The following CFAP70 variants were observed in gnomAD, a reference collection of about 807,000 sequenced individuals.
The protein encoded by CFAP70 is cilia- and flagella-associated protein 70.
Under a neutral mutation model 137.6 loss-of-function variants are expected in CFAP70, and 81 were observed. The observed-to-expected ratio is 0.59, with a 90% CI of 0.49 to 0.71. The LOEUF is 0.71. Ranked by LOEUF, CFAP70 falls within the 30% of genes least tolerant of loss-of-function variation. CFAP70 has a pLI of 0.00. For synonymous variants in CFAP70, 382 were observed against 423.6 expected, an observed-to-expected ratio of 0.90 and a Z score of 1.20; for missense variants, 976 against 1,226.7, an observed-to-expected ratio of 0.80 and a Z score of 3.05.
intron 3 of CFAP70, 96 bp from the exon 4 acceptor site, chr10:73,348,617 T>TA (rs1389570550): frequency 2.8e-4 from 219 of 776,074 alleles, no homozygotes; most frequent in South Asian, 4.3e-4. Flanking sequence ...ATATGTAAGT[T>TA]AAAAAAAAAT....
intron 20 of CFAP70, 111 bp downstream of exon 21, chr10:73,278,068 C>A: frequency 1.8e-6 from 2 of 1,091,310 alleles, no homozygotes; most frequent in Non-Finnish European, 2.6e-6. Context: ...GATTTCAGAG[C>A]CTGGTTATCA....
At chr10:73,286,679 C>T (rs113394823) in intron 19 of CFAP70, among the ~76,000 whole-genome samples, 6,844 of 152,104 alleles carry the variant, frequency 0.045, 468 homozygotes, top group African/African-American at 0.15. Context: ...CCCAGTGGCG[C>T]TAGAGGAATT....
chr10:73,284,762 A>AAG (rs2047535886), intron 19 of CFAP70, among the ~76,000 whole-genome samples: 1 of 27,822 alleles, frequency 3.6e-5, no homozygotes, highest in Non-Finnish European at 6.4e-5. Flanking sequence ...ATATATATAT[A>AAG]TATATATATA....
chr10:73,346,745 ATAGTGTCAAGATT>A (rs2053750873), intron 4 of CFAP70, among the ~76,000 whole-genome samples: 1 of 152,212 alleles, frequency 6.6e-6, no homozygotes, highest in Non-Finnish European at 1.5e-5. Flanking sequence ...AACTCATGTC[ATAGTGTCAAGATT>A]TATGCAAAAT....
At chr10:73,267,465 TG>T (rs2045880295) in intron 25 of CFAP70, among the ~76,000 whole-genome samples, 1 of 152,194 alleles carries the variant, frequency 6.6e-6, no homozygotes, top group African/African-American at 2.4e-5. Context: ...CATATTCTAC[TG>T]GTCAGGGAAA....
chr10:73,291,310 C>T (rs201746799), exon 19 of CFAP70: 1 of 1,614,204 alleles, frequency 6.2e-7, no homozygotes, highest in African/African-American at 1.3e-5. Context: ...TTCCCTCTTT[C>T]CTCAGTGTCT....
At chr10:73,299,320 G>A (rs564527318) in intron 13 of CFAP70, among the ~76,000 whole-genome samples, 3 of 152,056 alleles carry the variant, frequency 2.0e-5, no homozygotes, top group Non-Finnish European at 4.4e-5. Flanking sequence ...CAACCCTCCT[G>A]CCTCAGCCTC....
At chr10:73,328,091 C>T (rs1418361662) in intron 8 of CFAP70, among the ~76,000 whole-genome samples, 2 of 152,150 alleles carry the variant, frequency 1.3e-5, no homozygotes, top group Non-Finnish European at 2.9e-5. Flanking sequence ...TCAAACTATA[C>T]TACAAGTCTA....
chr10:73,301,778 T>A (rs2048973033), intron 12 of CFAP70, among the ~76,000 whole-genome samples: 1 of 152,298 alleles, frequency 6.6e-6, no homozygotes, highest in East Asian at 1.9e-4. Context: ...TTTTCTAAGT[T>A]CACATCGGAC....
chr10:73,339,911 T>G (rs542514298), intron 6 of CFAP70, among the ~76,000 whole-genome samples: 3 of 152,368 alleles, frequency 2.0e-5, no homozygotes, highest in South Asian at 2.1e-4. Context: ...CACAATGTGA[T>G]GAGCAAGGGA....
chr10:73,334,790 G>A (rs1484920817), intron 7 of CFAP70, among the ~76,000 whole-genome samples: 1 of 151,690 alleles, frequency 6.6e-6, no homozygotes, highest in Non-Finnish European at 1.5e-5. Context: ...ATGTTGGCCA[G>A]GATGGTCTCA....
chr10:73,327,133 T>C (rs1173414506), intron 8 of CFAP70, among the ~76,000 whole-genome samples: 1 of 147,930 alleles, frequency 6.8e-6, no homozygotes, highest in Non-Finnish European at 1.5e-5. Context: ...AAAAAGCTTA[T>C]CCACCATGAT....
At chr10:73,271,209 A>T (rs897696482) in intron 24 of CFAP70, among the ~76,000 whole-genome samples, 21 of 152,126 alleles carry the variant, frequency 1.4e-4, no homozygotes, top group Admixed American at 7.2e-4. Context: ...TCACTGACAG[A>T]TGTGTGAAAA....
chr10:73,255,711 A>AT (rs2044420329), intron 26 of CFAP70, among the ~76,000 whole-genome samples: 1 of 151,790 alleles, frequency 6.6e-6, no homozygotes, highest in East Asian at 1.9e-4. Flanking sequence ...CGCTCGGCTA[A>AT]TTTTTTTGTA....
chr10:73,316,487 G>GATATATATATAT (rs551707557), intron 9 of CFAP70, among the ~76,000 whole-genome samples: 8 of 100,928 alleles, frequency 7.9e-5, no homozygotes, highest in African/African-American at 2.2e-4. Flanking sequence ...TATAGATATA[G>GATATATATATAT]ATATATATAT....
At chr10:73,324,506 G>C (rs917764724) in intron 8 of CFAP70, among the ~76,000 whole-genome samples, 1 of 152,220 alleles carries the variant, frequency 6.6e-6, no homozygotes, top group Non-Finnish European at 1.5e-5. Flanking sequence ...GACGAGTTGA[G>C]AGAAGAAGGC....
chr10:73,362,978 ACCAAAAAAAAAAAAAAAAT>A (rs2132626147), upstream of CFAP70, among the ~76,000 whole-genome samples: 1 of 146,812 alleles, frequency 6.8e-6, no homozygotes, highest in South Asian at 2.1e-4. Context: ...GAAACTCAAC[ACCAAAAAAAAAAAAAAAAT>A]CCAAAAAAAA....
intron 4 of CFAP70, chr10:73,345,193 C>T: frequency 6.2e-7 from 1 of 1,614,178 alleles, no homozygotes; most frequent in Non-Finnish European, 8.5e-7. Context: ...GAGATCTGGG[C>T]TGTGGTCAGT....
At chr10:73,354,251 G>T (rs1025449320) in intron 2 of CFAP70, among the ~76,000 whole-genome samples, 1 of 152,186 alleles carries the variant, frequency 6.6e-6, no homozygotes, top group Non-Finnish European at 1.5e-5. Context: ...TGCACACATA[G>T]ATACATTTTT....
Sources: allele counts gnomAD v4.1 joint callset (sites outside exome capture counted in the v4.1 genomes callset), GRCh38; gene constraint gnomAD v4.1.1; transcripts MANE v1.5; gene names NCBI Gene and HGNC (gene_info 2026-07-23, HGNC 2026-07-21).